The following TRIM14 variants were observed in gnomAD, a reference collection of about 807,000 sequenced individuals.
The protein encoded by TRIM14 is tripartite motif containing 14.
A neutral mutation model predicts 44.5 loss-of-function variants in TRIM14; 28 were observed. The ratio of observed to expected loss-of-function variants is 0.63; its 90% CI spans 0.47 to 0.86. TRIM14 has a LOEUF of 0.86. Ranked by LOEUF, TRIM14 falls within the 40% of genes least tolerant of loss-of-function variation. The pLI is 0.00. For missense variants in TRIM14, 607 were observed against 611.1 expected (o/e 0.99, Z 0.07); for synonymous variants, 299 against 269.2 (o/e 1.11, Z -1.08).
Position 98,087,265 on chromosome 9 carries a change from A to G in TRIM14, c.*205T>C, listed in dbSNP as rs185295576. ...TGCGGAGGTCTGATGAGAGGGCAGC[A>G]GCAGACTTGTTTAGGGCCTGTTTGA... On this transcript the variant is annotated 3_prime_UTR_variant, in exon 6 of 6. Coordinates refer to ENST00000341469, the MANE Select transcript of TRIM14 (RefSeq NM_014788.4). 1.1e-4 allele frequency: 90 copies of G among 840,776 alleles called. No homozygotes were observed. The highest frequency in any genetic ancestry group is 1.8e-4 in the Non-Finnish European group (83 of 474,218). The allele number at this position is 840,776 out of a possible 1,614,324, so 52.1% of individuals were successfully genotyped here. A position where few individuals can be genotyped will look rare whatever the true frequency, so the allele number is the denominator to read the frequency against.
chr9:98,078,448 A>ACCC (rs1829693051), intron 6 of TRIM14: 10 of 1,397,326 alleles, frequency 7.2e-6, no homozygotes, highest in South Asian at 1.4e-5. Context: ...ATACTTTATA[A>ACCC]TTTGAACATC....
rs768063658 is a variant in TRIM14 at position 98,087,664 on chromosome 9, G to A, written c.1135C>T (p.Arg379Cys). 8 of 1,602,908 alleles carry A rather than the reference G, an allele frequency of 5.0e-6. No homozygotes were observed. The highest frequency in any genetic ancestry group is 3.3e-5 in the Admixed American group (2 of 59,816). Residue 379 changes from arginine to cysteine, a missense_variant, in exon 6 of 6, where the codon CGC becomes TGC. Arg to Cys is a radical substitution (Grantham distance 180). Transcript: ENST00000341469. The part of the protein sequence containing the change: ...LEYWAFHDGQ[R>C]SRLRPRDDLD... Reference sequence around the variant, plus strand: ...TCGTCGCGGGGCCGCAGGCGGCTGCGCTGGCCGTCGTGGAAGGCCCAGTAC... The same window carrying A: ...TCGTCGCGGGGCCGCAGGCGGCTGCACTGGCCGTCGTGGAAGGCCCAGTAC...
At chr9:98,067,745 G>A (rs1471655540), downstream of TRIM14, among the ~76,000 whole-genome samples, 10 of 151,082 alleles carry the variant, frequency 6.6e-5, no homozygotes, top group East Asian at 1.5e-3. Context: ...TGTGAGATAC[G>A]GTCTTGCTCT....
chr9:98,082,940 A>G (rs1188741987), downstream of TRIM14: 7 of 1,614,108 alleles, frequency 4.3e-6, no homozygotes, highest in African/African-American at 5.3e-5. Flanking sequence ...CCCAAAGGCT[A>G]TCCTCCTGAA....
rs35830621 is a variant in TRIM14 at position 98,100,057 on chromosome 9, C to A, written c.411G>T (p.Thr137=). ...ALAKKFIDKN[T]QLTLQVYREQ... ...CCCTGTACACCTGGAGGGTAAGCTG[C>A]GTGTTTTTATCAATGAATTTCTTGG... The change falls in exon 3 of 6, where the codon ACG becomes ACT. Residue 137 remains threonine, a synonymous_variant. Coordinates refer to ENST00000341469, the MANE Select transcript of TRIM14 (RefSeq NM_014788.4). The A allele has an allele frequency of 0.045, 72,191 of 1,614,068 alleles. 1,844 individuals carry two copies. The highest frequency in any genetic ancestry group is 0.059 in the African/African-American group (4,448 of 75,004).
chr9:98,050,494 G>C, the TRIM14 span, among the ~76,000 whole-genome samples: 1 of 152,134 alleles, frequency 6.6e-6, no homozygotes, highest in Non-Finnish European at 1.5e-5. Context: ...GTTTGTTCTA[G>C]GACCTATGTG....
chr9:98,039,318 A>G, the TRIM14 span, among the ~76,000 whole-genome samples: 1 of 152,102 alleles, frequency 6.6e-6, no homozygotes, highest in Non-Finnish European at 1.5e-5. Context: ...TTGCAAAATT[A>G]TGACTGGGAC....
rs1460403943 is a variant in TRIM14 at position 98,109,925 on chromosome 9, G to A, written c.267C>T (p.Asn89=). 2 of 1,613,750 alleles carry A rather than the reference G, an allele frequency of 1.2e-6. No homozygotes were observed. The highest frequency in any genetic ancestry group is 2.2e-5 in the East Asian group (1 of 44,894). Residue 89 remains asparagine (N), a synonymous_variant, in exon 2 of 6, where the codon AAC becomes AAT. Coordinates refer to ENST00000341469, the MANE Select transcript of TRIM14 (RefSeq NM_014788.4). ...LAIKKQQHID[N]ITQIEDATEK... ...CGGTGGCATCTTCTATCTGGGTTAT[G>A]TTGTCAATGTGCTGCTGCTTCTTGA...
At position 98,087,240 on chromosome 9, in the gene TRIM14, T is replaced by G; in HGVS notation, c.*230A>C. On this transcript the variant is annotated 3_prime_UTR_variant, in exon 6 of 6. Coordinates refer to ENST00000341469, the MANE Select transcript of TRIM14 (RefSeq NM_014788.4). ...AGTGTAAGTGATGGTGGGGTGAGGG[T>G]GCGGAGGTCTGATGAGAGGGCAGCA... 1.3e-6 allele frequency: 1 copy of G among 785,270 alleles called. No homozygotes were observed. Among genetic ancestry groups the G allele is most frequent in the East Asian group, 2.4e-5 (1 of 40,938 alleles). 48.6% of individuals were successfully genotyped at this position (785,270 alleles called of 1,614,324 possible). A position where few individuals can be genotyped will look rare whatever the true frequency, so the allele number is the denominator to read the frequency against.
At chr9:98,044,330 G>A in the TRIM14 span, among the ~76,000 whole-genome samples, 1 of 151,094 alleles carries the variant, frequency 6.6e-6, no homozygotes, top group East Asian at 1.9e-4. Context: ...GGTCACCCAG[G>A]GGCGCCTTTC....
chr9:98,108,852 C>T (rs982854890), intron 2 of TRIM14, among the ~76,000 whole-genome samples: 3 of 150,864 alleles, frequency 2.0e-5, no homozygotes, highest in African/African-American at 7.3e-5. Context: ...AGCCACTCCT[C>T]CTCTTGTGTG....
chr9:98,094,805 G>T, intron 4 of TRIM14, 62 bp downstream of exon 4: 1 of 1,548,886 alleles, frequency 6.5e-7, no homozygotes, highest in Non-Finnish European at 8.8e-7. Flanking sequence ...CTTTGCATTC[G>T]TCTCTGGGCT....
In TRIM14 at chr9:98,095,245, G is replaced by A. The variant is rs1348241227; in HGVS notation, c.538-216C>T. On this transcript the variant is annotated intron_variant, in intron 3 of 5. Coordinates refer to ENST00000341469, the MANE Select transcript of TRIM14 (RefSeq NM_014788.4). The surrounding 1 kb of genome is among the most constrained non-coding windows in gnomAD (Gnocchi z 4.1). ...AGCCATGCGGAGGTGCGGTTTTTCA[G>A]TGCTGGCACTGGGGATTCCTCCCTC... 6.6e-6 allele frequency among the ~76,000 whole-genome samples: 1 copy of A among 152,226 alleles called. No individual in the cohort carries two copies. Among genetic ancestry groups the A allele is most frequent in the African/African-American group, 2.4e-5 (1 of 41,452 alleles).
the TRIM14 span, among the ~76,000 whole-genome samples, chr9:98,040,664 C>CTTTTT: frequency 6.8e-6 from 1 of 146,532 alleles, no homozygotes; most frequent in African/African-American, 2.5e-5. Flanking sequence ...ATTTTCTTTT[C>CTTTTT]TTTTTTTTTT....
intron 1 of TRIM14, among the ~76,000 whole-genome samples, chr9:98,117,215 TG>T (rs1311948365): frequency 6.6e-6 from 1 of 152,196 alleles, no homozygotes; most frequent in East Asian, 1.9e-4. Context: ...TTCTTCGTGA[TG>T]TTTTTAGTTG....
At chr9:98,115,682 C>T (rs1827025847) in intron 1 of TRIM14, among the ~76,000 whole-genome samples, 2 of 152,152 alleles carry the variant, frequency 1.3e-5, no homozygotes, top group South Asian at 4.1e-4. Context: ...CCGCACCTGG[C>T]TATTTGTGAG....
At chr9:98,115,545 G>A (rs1412855987) in intron 1 of TRIM14, among the ~76,000 whole-genome samples, 1 of 152,024 alleles carries the variant, frequency 6.6e-6, no homozygotes, top group Non-Finnish European at 1.5e-5. Flanking sequence ...ACTGAGCCCA[G>A]CACAATTTTT....
At chr9:98,082,760 C>A, downstream of TRIM14, 1 of 1,314,802 alleles carries the variant, frequency 7.6e-7, no homozygotes, top group Non-Finnish European at 1.1e-6. Context: ...CTGGGGAAGA[C>A]TGATCAGGGA....
At chr9:98,115,715 A>G (rs887176134) in intron 1 of TRIM14, among the ~76,000 whole-genome samples, 8 of 152,230 alleles carry the variant, frequency 5.3e-5, no homozygotes, top group African/African-American at 1.9e-4. Context: ...ATGACAATAT[A>G]GTTATTTGCA....
Sources: gnomAD v4.1 joint callset for allele counts (sites outside exome capture counted in the v4.1 genomes callset) on GRCh38, gnomAD v4.1.1 for gene constraint, Gnocchi (gnomAD v3.1) non-coding constraint, MANE v1.5 for transcripts, NCBI Gene and HGNC (gene_info 2026-07-23, HGNC 2026-07-21) for gene names.